LYPLAL1: variants seen among roughly 807,000 people sequenced by gnomAD.
The protein encoded by LYPLAL1 is lysophospholipase-like protein 1.
In LYPLAL1, 23 loss-of-function variants were observed where a neutral mutation model predicts 19.7. The observed-to-expected ratio is 1.17, with a 90% CI of 0.84 to 1.65. The LOEUF (loss-of-function observed/expected upper bound fraction) is 1.65. Among genes scored for constraint, LYPLAL1 ranks in the 40% most tolerant of loss-of-function variants. The probability of loss-of-function intolerance (pLI) is 0.00; values close to 1 mark genes in which losing one functional copy is unlikely to be tolerated. For missense variants in LYPLAL1, 355 were observed against 279.4 expected, an observed-to-expected ratio of 1.27 and a Z score of -1.93; for synonymous variants, 119 against 96.3, an observed-to-expected ratio of 1.24 and a Z score of -1.38.
chr1:219,427,870 C>G, the LYPLAL1 span, among the ~76,000 whole-genome samples: 2 of 152,328 alleles, frequency 1.3e-5, no homozygotes, highest in Non-Finnish European at 2.9e-5. Flanking sequence ...TCTCTAAACA[C>G]AAACTCCCAA....
At chr1:219,298,020 G>A in the LYPLAL1 span, among the ~76,000 whole-genome samples, 2 of 152,090 alleles carry the variant, frequency 1.3e-5, no homozygotes, top group Admixed American at 1.3e-4. Flanking sequence ...TTTAAATTTA[G>A]ATCTACTGGC....
At position 219,210,374 on chromosome 1, in the gene LYPLAL1, C is replaced by T. The variant is rs1363036739; in HGVS notation, c.362-158C>T. ...GAGGGAACAGGGTTATTTATGTTAT[C>T]GCAGGCCTTTGTCTGTGAAACTTAG... is the stretch of plus-strand genomic sequence containing the variant. On this transcript the variant is annotated intron_variant, in intron 3 of 4. Transcript: ENST00000366928. The T allele has an allele frequency of 6.7e-5, 32 of 477,976 alleles. No homozygotes were observed. In the South Asian group the frequency reaches 9.1e-4, roughly 14 times the overall value. The allele number at this position is 477,976 out of a possible 1,614,324, so 29.6% of individuals were successfully genotyped here.
At chr1:219,362,981 T>G in the LYPLAL1 span, among the ~76,000 whole-genome samples, 1 of 152,068 alleles carries the variant, frequency 6.6e-6, no homozygotes, top group African/African-American at 2.4e-5. Context: ...AAACTTTTTA[T>G]TGCTATATAT....
At chr1:219,413,639 T>C in the LYPLAL1 span, among the ~76,000 whole-genome samples, 1 of 152,216 alleles carries the variant, frequency 6.6e-6, no homozygotes. Context: ...TCTGTTGTCA[T>C]TTGAAGGGCT....
At chr1:219,347,336 A>G in the LYPLAL1 span, among the ~76,000 whole-genome samples, 6 of 152,076 alleles carry the variant, frequency 3.9e-5, no homozygotes, top group Non-Finnish European at 8.8e-5. Context: ...CCCTTGCTCC[A>G]TATGCTAATT....
the LYPLAL1 span, among the ~76,000 whole-genome samples, chr1:219,228,446 A>G: frequency 5.9e-5 from 9 of 152,156 alleles, no homozygotes; most frequent in African/African-American, 1.2e-4. Context: ...TCCTGCGGCA[A>G]TCTCCAATAT....
At chr1:219,391,900 A>G in the LYPLAL1 span, among the ~76,000 whole-genome samples, 5 of 152,116 alleles carry the variant, frequency 3.3e-5, no homozygotes, top group African/African-American at 1.2e-4. Flanking sequence ...TCCTTTTGAC[A>G]CATTTGATTG....
chr1:219,192,539 C>T (rs958337790), intron 2 of LYPLAL1, among the ~76,000 whole-genome samples: 4 of 151,566 alleles, frequency 2.6e-5, no homozygotes, highest in South Asian at 2.1e-4. Flanking sequence ...GCAACTCTTC[C>T]GTTTTTCATA....
chr1:219,408,373 T>A, the LYPLAL1 span, among the ~76,000 whole-genome samples: 5 of 152,060 alleles, frequency 3.3e-5, no homozygotes, highest in Admixed American at 3.3e-4. Context: ...CTTTTAAAAT[T>A]TGGATGCTGG....
the LYPLAL1 span, among the ~76,000 whole-genome samples, chr1:219,275,749 G>A: frequency 1.1e-4 from 17 of 151,932 alleles, no homozygotes; most frequent in African/African-American, 3.9e-4. Flanking sequence ...AATATAATAT[G>A]TAAATATATT....
chr1:219,411,530 G>T, the LYPLAL1 span, among the ~76,000 whole-genome samples: 1 of 152,122 alleles, frequency 6.6e-6, no homozygotes, highest in African/African-American at 2.4e-5. Context: ...AGGCCACTCG[G>T]CTCTACCAAT....
At chr1:219,286,539 T>C in the LYPLAL1 span, among the ~76,000 whole-genome samples, 47 of 152,268 alleles carry the variant, frequency 3.1e-4, no homozygotes, top group East Asian at 8.9e-3. Context: ...GCAGCATCCT[T>C]ATGTAAAATG....
At chr1:219,205,039 G>A (rs1006667480) in intron 3 of LYPLAL1, among the ~76,000 whole-genome samples, 5 of 152,094 alleles carry the variant, frequency 3.3e-5, no homozygotes, top group Non-Finnish European at 7.4e-5. Context: ...AATGGTTGAG[G>A]GAATGATGGC....
the LYPLAL1 span, among the ~76,000 whole-genome samples, chr1:219,319,896 C>T: frequency 7.1e-3 from 1,084 of 152,310 alleles, 7 homozygotes; most frequent in Middle Eastern, 0.01. Flanking sequence ...GGCACAGTAT[C>T]CATCTCTGTG....
chr1:219,202,268 A>G (rs549429912), intron 3 of LYPLAL1, among the ~76,000 whole-genome samples: 1 of 152,160 alleles, frequency 6.6e-6, no homozygotes, highest in African/African-American at 2.4e-5. Context: ...TGTAATGTTG[A>G]AAAAGTTTTC....
chr1:219,390,756 C>T, the LYPLAL1 span, among the ~76,000 whole-genome samples: 1 of 152,114 alleles, frequency 6.6e-6, no homozygotes, highest in African/African-American at 2.4e-5. Flanking sequence ...ATATGACTTG[C>T]ATGCATTATG....
chr1:219,294,707 C>G, the LYPLAL1 span, among the ~76,000 whole-genome samples: 2 of 152,170 alleles, frequency 1.3e-5, no homozygotes, highest in Non-Finnish European at 2.9e-5. Context: ...CTCAAGCCTT[C>G]CCACAGCTCA....
the LYPLAL1 span, among the ~76,000 whole-genome samples, chr1:219,282,673 A>C: frequency 6.6e-6 from 1 of 152,196 alleles, no homozygotes; most frequent in Non-Finnish European, 1.5e-5. Context: ...CAGTGGAACA[A>C]AGCGTGAAAA....
At chr1:219,316,502 T>C in the LYPLAL1 span, among the ~76,000 whole-genome samples, 1 of 152,286 alleles carries the variant, frequency 6.6e-6, no homozygotes, top group East Asian at 1.9e-4. Flanking sequence ...TGAAAAAGTT[T>C]GAGAAGGATT....
Sources: gnomAD v4.1 joint callset for allele counts (sites outside exome capture counted in the v4.1 genomes callset) on GRCh38, gnomAD v4.1.1 for gene constraint, MANE v1.5 for transcripts, NCBI Gene and HGNC (gene_info 2026-07-23, HGNC 2026-07-21) for gene names.